NLGN1: variants seen among roughly 807,000 people sequenced by gnomAD.
NLGN1 encodes neuroligin-1.
A neutral mutation model predicts 65.5 loss-of-function variants in NLGN1; 12 were observed. The observed-to-expected ratio is 0.18, with a 90% confidence interval of 0.12 to 0.30. The LOEUF is 0.30. Ranked by LOEUF, NLGN1 falls within the 10% of genes least tolerant of loss-of-function variation. NLGN1 has a pLI of 1.00. For synonymous variants in NLGN1, 350 were observed against 359.5 expected (o/e 0.97, Z 0.30); for missense variants, 750 against 1,007.1 (o/e 0.74, Z 3.46).
chr3:173,406,295 A>G (rs2148627005), intron 1 of NLGN1, among the ~76,000 whole-genome samples: 1 of 151,950 alleles, frequency 6.6e-6, no homozygotes, highest in South Asian at 2.1e-4. Flanking sequence ...AAACTTATGC[A>G]AGGAATTAAC....
intron 4 of NLGN1, among the ~76,000 whole-genome samples, chr3:174,080,439 A>C (rs1209773401): frequency 6.6e-6 from 1 of 152,346 alleles, no homozygotes; most frequent in East Asian, 1.9e-4. Flanking sequence ...CAGGCGACTT[A>C]AGAGATCAAG....
intron 4 of NLGN1, among the ~76,000 whole-genome samples, chr3:174,205,989 A>T (rs945970875): frequency 6.6e-6 from 1 of 152,234 alleles, no homozygotes; most frequent in African/African-American, 2.4e-5. Context: ...TAATCAACAT[A>T]GATGGAGTGG....
At chr3:173,635,883 AT>A (rs927774575) in intron 3 of NLGN1, among the ~76,000 whole-genome samples, 15 of 151,522 alleles carry the variant, frequency 9.9e-5, no homozygotes, top group Admixed American at 2.0e-4. Flanking sequence ...TTTCTATTGA[AT>A]TTTTTTTTAC....
chr3:174,021,656 C>T (rs970440300), intron 4 of NLGN1, among the ~76,000 whole-genome samples: 1 of 152,128 alleles, frequency 6.6e-6, no homozygotes, highest in Admixed American at 6.6e-5. Context: ...CTGCCAGTCA[C>T]GTGGTTCTAG....
intron 4 of NLGN1, among the ~76,000 whole-genome samples, chr3:174,028,272 G>A (rs2152468740): frequency 6.6e-6 from 1 of 152,294 alleles, no homozygotes; most frequent in East Asian, 1.9e-4. Context: ...CTCAGAAGAA[G>A]ACAGGAAGAT....
chr3:173,940,491 T>C (rs1290460958), intron 4 of NLGN1, among the ~76,000 whole-genome samples: 1 of 152,200 alleles, frequency 6.6e-6, no homozygotes, highest in African/African-American at 2.4e-5. Flanking sequence ...AGTTTATCTT[T>C]CCTCATTTTC....
chr3:173,614,492 C>G (rs1379907739), intron 3 of NLGN1, among the ~76,000 whole-genome samples: 1 of 152,098 alleles, frequency 6.6e-6, no homozygotes, highest in Non-Finnish European at 1.5e-5. Context: ...TCTTCCTCAG[C>G]TCACCATCTT....
chr3:173,629,045 T>A (rs1393649110), intron 3 of NLGN1, among the ~76,000 whole-genome samples: 1 of 152,030 alleles, frequency 6.6e-6, no homozygotes, highest in Non-Finnish European at 1.5e-5. Flanking sequence ...ATTATACAAA[T>A]AAATAGTATT....
chr3:173,841,296 C>G (rs1157199845), intron 4 of NLGN1, among the ~76,000 whole-genome samples: 1 of 152,102 alleles, frequency 6.6e-6, no homozygotes, highest in East Asian at 1.9e-4. Context: ...AAAACTTCGT[C>G]TCATTTTTCT....
intron 4 of NLGN1, among the ~76,000 whole-genome samples, chr3:173,917,151 TTTAGA>T (rs1740903402): frequency 6.6e-6 from 1 of 152,182 alleles, no homozygotes; most frequent in African/African-American, 2.4e-5. Flanking sequence ...TAGTGACAAA[TTTAGA>T]TTAAAGATCT....
At chr3:173,620,519 G>T (rs76975831) in intron 3 of NLGN1, among the ~76,000 whole-genome samples, 1 of 152,008 alleles carries the variant, frequency 6.6e-6, no homozygotes, top group Non-Finnish European at 1.5e-5. Flanking sequence ...AAATAAGTTG[G>T]AGGAAAGAGA....
rs575384081 is a variant in NLGN1 at position 173,973,056 on chromosome 3, C to T, written c.646+165224C>T. Among the ~76,000 whole-genome samples, 3 of 152,210 alleles carry T rather than the reference C, an allele frequency of 2.0e-5. No homozygotes were observed. In the East Asian group the frequency reaches 5.8e-4, roughly 29 times the overall value. Reference sequence around the variant, plus strand: ...GCAAATTACTAATATTTAACCTCTCCTTGTCTCAGTTTCTTCATCTGTAAA... The same window carrying T: ...GCAAATTACTAATATTTAACCTCTCTTTGTCTCAGTTTCTTCATCTGTAAA... On this transcript the variant is annotated intron_variant, in intron 4 of 6. Coordinates refer to ENST00000457714, the Ensembl canonical transcript of NLGN1.
At chr3:174,265,406 G>A (rs1363104725) in intron 4 of NLGN1, among the ~76,000 whole-genome samples, 1 of 152,140 alleles carries the variant, frequency 6.6e-6, no homozygotes, top group Non-Finnish European at 1.5e-5. Context: ...AAGCCGGTCC[G>A]AAAAGCACAA....
intron 3 of NLGN1, among the ~76,000 whole-genome samples, chr3:173,754,756 T>A (rs1289718274): frequency 6.6e-6 from 1 of 152,194 alleles, no homozygotes; most frequent in East Asian, 1.9e-4. Flanking sequence ...TGAATCTTCT[T>A]AAAGATCTGT....
chr3:174,279,674 T>G lies in NLGN1; in HGVS notation c.1649+24T>G. On this transcript the variant is annotated intron_variant, in intron 6 of 6. Transcript: ENST00000457714. This position sits in a 1 kb window ranked among gnomAD's most constrained non-coding sequence, Gnocchi z 4.7. ...GGGTATGTACCTAAGGAATGAAGTTTATTTTTAATAAAAATGTTATTTTAA... is the reference window on the plus strand; with the variant it reads ...GGGTATGTACCTAAGGAATGAAGTTGATTTTTAATAAAAATGTTATTTTAA... 3.7e-6 allele frequency: 5 copies of G among 1,367,488 alleles called. No homozygotes were observed. Among genetic ancestry groups the G allele is most frequent in the Non-Finnish European group, 5.0e-6 (5 of 991,850 alleles). 84.7% of individuals were successfully genotyped at this position (1,367,488 alleles called of 1,614,324 possible).
chr3:173,757,941 A>T (rs1433738464), intron 3 of NLGN1, among the ~76,000 whole-genome samples: 1 of 152,010 alleles, frequency 6.6e-6, no homozygotes, highest in Non-Finnish European at 1.5e-5. Context: ...GGGAAGATGG[A>T]TGCTATGGGC....
At chr3:173,709,412 G>C (rs770477616) in intron 3 of NLGN1, among the ~76,000 whole-genome samples, 64 of 152,308 alleles carry the variant, frequency 4.2e-4, no homozygotes, top group Non-Finnish European at 8.1e-4. Context: ...ACGATCCTGT[G>C]TTCTAGAGGG....
At chr3:173,613,064 G>A (rs930234247) in intron 3 of NLGN1, among the ~76,000 whole-genome samples, 2 of 152,026 alleles carry the variant, frequency 1.3e-5, no homozygotes, top group Admixed American at 6.6e-5. Context: ...CACATTTGAG[G>A]TACTCAGGTT....
At chr3:174,119,341 T>C (rs1168757354) in intron 4 of NLGN1, among the ~76,000 whole-genome samples, 1 of 152,220 alleles carries the variant, frequency 6.6e-6, no homozygotes, top group East Asian at 1.9e-4. Flanking sequence ...TTTCACTTAA[T>C]TATTTGATGT....
Sources: allele counts gnomAD v4.1 joint callset (sites outside exome capture counted in the v4.1 genomes callset), GRCh38; gene constraint gnomAD v4.1.1; non-coding constraint Gnocchi (gnomAD v3.1); transcripts MANE v1.5; gene names NCBI Gene and HGNC (gene_info 2026-07-23, HGNC 2026-07-21).